The following ASPRV1 variants were observed in gnomAD, a reference collection of about 807,000 sequenced individuals.
ASPRV1 encodes retroviral-like aspartic protease 1.
Under a neutral mutation model 11.0 loss-of-function variants are expected in ASPRV1, and 7 were observed. That is an observed-to-expected ratio of 0.64 (90% CI 0.36 to 1.20). ASPRV1 has a LOEUF of 1.20. ASPRV1 is among the 50% of genes most tolerant of loss of function. The pLI, the probability that ASPRV1 is intolerant of heterozygous loss-of-function variation, is 0.02. For synonymous variants in ASPRV1, 136 were observed against 138.4 expected (o/e 0.98, Z 0.12); for missense variants, 299 against 320.0 (o/e 0.93, Z 0.50).
the ASPRV1 span, among the ~76,000 whole-genome samples, chr2:70,066,039 C>T: frequency 6.6e-6 from 1 of 151,626 alleles, no homozygotes; most frequent in South Asian, 2.1e-4. Context: ...GAAACCCCAT[C>T]TCTACTAAAA....
chr2:70,008,743 AC>A, the ASPRV1 span, among the ~76,000 whole-genome samples: 1,743 of 151,348 alleles, frequency 0.012, 37 homozygotes, highest in African/African-American at 0.04. Context: ...AAGACTGGAC[AC>A]CCCTGGCTAG....
At chr2:69,977,973 G>A in the ASPRV1 span, among the ~76,000 whole-genome samples, 7 of 152,150 alleles carry the variant, frequency 4.6e-5, no homozygotes, top group African/African-American at 1.7e-4. Flanking sequence ...GGTGGTGAAT[G>A]ACAAGTGTGG....
chr2:70,007,599 G>A, the ASPRV1 span, among the ~76,000 whole-genome samples: 1 of 151,038 alleles, frequency 6.6e-6, no homozygotes, highest in Admixed American at 6.7e-5. Flanking sequence ...ATATATAATA[G>A]AAAAATTGTG....
At chr2:70,000,788 CAAAAAAAAAAAAAA>C in the ASPRV1 span, among the ~76,000 whole-genome samples, 6 of 42,050 alleles carry the variant, frequency 1.4e-4, no homozygotes, top group Non-Finnish European at 2.1e-4. Flanking sequence ...GACCCTGCCT[CAAAAAAAAAAAAAA>C]AAAAAAAAAA....
the ASPRV1 span, chr2:69,976,769 A>T: frequency 6.6e-6 from 1 of 152,136 alleles, no homozygotes; most frequent in Admixed American, 6.6e-5. Context: ...TCCACGCCTT[A>T]TTTCCACCAT....
chr2:69,984,950 A>G, the ASPRV1 span, among the ~76,000 whole-genome samples: 1 of 149,000 alleles, frequency 6.7e-6, no homozygotes, highest in Non-Finnish European at 1.5e-5. Context: ...TCTGTCTCCC[A>G]GGTTCACGCC....
At chr2:70,012,396 C>T in the ASPRV1 span, among the ~76,000 whole-genome samples, 4 of 152,244 alleles carry the variant, frequency 2.6e-5, no homozygotes, top group African/African-American at 7.2e-5. Context: ...CCTCATGATC[C>T]GCCCACCTCG....
the ASPRV1 span, among the ~76,000 whole-genome samples, chr2:69,934,182 G>A: frequency 6.6e-6 from 1 of 152,214 alleles, no homozygotes; most frequent in Non-Finnish European, 1.5e-5. Flanking sequence ...AAACAAGTCA[G>A]GCAGTACAGT....
chr2:70,025,741 T>A, the ASPRV1 span, among the ~76,000 whole-genome samples: 1 of 152,212 alleles, frequency 6.6e-6, no homozygotes. Flanking sequence ...CAGCTTCTGC[T>A]GACACAAATG....
At chr2:70,083,119 G>A in the ASPRV1 span, among the ~76,000 whole-genome samples, 1 of 152,208 alleles carries the variant, frequency 6.6e-6, no homozygotes, top group Admixed American at 6.5e-5. Context: ...TGCATTGGCT[G>A]TTTGGGGACA....
At chr2:70,076,620 C>G in the ASPRV1 span, among the ~76,000 whole-genome samples, 66 of 152,326 alleles carry the variant, frequency 4.3e-4, no homozygotes, top group Non-Finnish European at 8.7e-4. Flanking sequence ...ATATTTGATA[C>G]ACTTAGCCTA....
the ASPRV1 span, among the ~76,000 whole-genome samples, chr2:70,058,432 A>G: frequency 1.1e-3 from 173 of 152,136 alleles, no homozygotes; most frequent in Non-Finnish European, 2.0e-3. Context: ...TTGTAGAGAC[A>G]GTGTTTTGCC....
At chr2:69,955,326 G>A (rs1181818247), downstream of ASPRV1, among the ~76,000 whole-genome samples, 6 of 152,156 alleles carry the variant, frequency 3.9e-5, no homozygotes, top group African/African-American at 1.2e-4. Flanking sequence ...TGGACACATC[G>A]TGTCCTCAGA....
At chr2:70,086,988 G>C in the ASPRV1 span, 1 of 152,060 alleles carries the variant, frequency 6.6e-6, no homozygotes. Context: ...CCGCTCCGCA[G>C]GCCTCGCCTC....
At chr2:69,998,654 G>A in the ASPRV1 span, among the ~76,000 whole-genome samples, 2 of 151,894 alleles carry the variant, frequency 1.3e-5, no homozygotes, top group South Asian at 4.2e-4. Context: ...GCGTGAACCC[G>A]GGAGGCGGAT....
chr2:69,994,559 C>CT, the ASPRV1 span, among the ~76,000 whole-genome samples: 1 of 152,158 alleles, frequency 6.6e-6, no homozygotes, highest in East Asian at 1.9e-4. Flanking sequence ...TGGAGCTGCT[C>CT]TGAGTTGGGA....
At chr2:70,041,116 T>C in the ASPRV1 span, among the ~76,000 whole-genome samples, 1 of 152,186 alleles carries the variant, frequency 6.6e-6, no homozygotes, top group Non-Finnish European at 1.5e-5. Context: ...GGTCCATCCA[T>C]ATTTAAGGTC....
the ASPRV1 span, among the ~76,000 whole-genome samples, chr2:70,042,368 T>C: frequency 6.6e-6 from 1 of 152,094 alleles, no homozygotes; most frequent in Non-Finnish European, 1.5e-5. Context: ...GACAGAACTC[T>C]ACCTACTAAA....
chr2:70,021,230 A>G, the ASPRV1 span, among the ~76,000 whole-genome samples: 2 of 151,122 alleles, frequency 1.3e-5, no homozygotes, highest in Non-Finnish European at 2.9e-5. Context: ...AGATAGCAGG[A>G]TTTCCTTCTT....
Sources: allele counts gnomAD v4.1 joint callset (sites outside exome capture counted in the v4.1 genomes callset), GRCh38; gene constraint gnomAD v4.1.1; transcripts MANE v1.5; gene names NCBI Gene and HGNC (gene_info 2026-07-23, HGNC 2026-07-21).